The following NEB variants were observed in gnomAD, a reference collection of about 807,000 sequenced individuals.
NEB encodes the protein nebulin.
NEB carries 512 observed loss-of-function variants against 952.2 expected under a neutral mutation model. That is an observed-to-expected ratio of 0.54 (90% CI 0.50 to 0.58). The LOEUF is 0.58. Ranked by LOEUF, NEB falls within the 20% of genes least tolerant of loss-of-function variation. The probability of loss-of-function intolerance (pLI) is 0.00; values close to 1 mark genes in which losing one functional copy is unlikely to be tolerated. For missense variants in NEB, 8,428 were observed against 9,231.1 expected (o/e 0.91, Z 3.56); for synonymous variants, 2,900 against 3,149.8 (o/e 0.92, Z 2.66).
chr2:151,493,665 T>G, intron 175 of NEB, 110 bp downstream of exon 175: 1 of 942,908 alleles, frequency 1.1e-6, no homozygotes. Context: ...AAGGAAGAAT[T>G]TTTAAAGATA....
At chr2:151,633,504 C>A in intron 65 of NEB, 150 bp downstream of exon 65, 1 of 1,220,076 alleles carries the variant, frequency 8.2e-7, no homozygotes, top group Non-Finnish European at 1.1e-6. Flanking sequence ...TTAGTGTATT[C>A]ATAATAAAGC....
intron 170 of NEB, 127 bp from the exon 171 acceptor site, chr2:151,497,845 C>A (rs996542404): frequency 1.8e-5 from 27 of 1,518,426 alleles, no homozygotes; most frequent in Non-Finnish European, 2.3e-5. Context: ...AAAATGCCAC[C>A]GACTACTTTA....
chr2:151,518,842 G>T, intron 155 of NEB, 123 bp downstream of exon 155: 1 of 656,274 alleles, frequency 1.5e-6, no homozygotes, highest in Non-Finnish European at 2.7e-6. Flanking sequence ...ACACTCAAAT[G>T]AGAACAGTTT....
At chr2:151,639,209 T>C in intron 63 of NEB, 71 bp downstream of exon 63, 7 of 1,174,506 alleles carry the variant, frequency 6.0e-6, no homozygotes, top group Non-Finnish European at 7.3e-6. Flanking sequence ...TGTCATTTGG[T>C]ATCATGTCAT....
chr2:151,507,933 G>C, intron 162 of NEB, 72 bp downstream of exon 162: 6 of 1,072,500 alleles, frequency 5.6e-6, no homozygotes, highest in Non-Finnish European at 8.4e-6. Flanking sequence ...GCAAGCCTGG[G>C]ATATCCAGAG....
intron 54 of NEB, among the ~76,000 whole-genome samples, chr2:151,649,113 T>G (rs1437855463): frequency 9.2e-5 from 14 of 152,216 alleles, no homozygotes; most frequent in Admixed American, 9.2e-4. Context: ...GAAACTTGGA[T>G]TCCAACAAGG....
chr2:151,531,758 G>A (rs191901936), intron 144 of NEB, 34 bp downstream of exon 144: 1 of 1,502,598 alleles, frequency 6.7e-7, no homozygotes, highest in East Asian at 2.3e-5. Context: ...TGCCCCCTGA[G>A]TTTGAGAAGG....
At position 151,710,436 on chromosome 2, in the gene NEB, T is replaced by C. The variant is rs531840938; in HGVS notation, c.925A>G (p.Thr309Ala). 6.2e-7 allele frequency: 1 copy of C among 1,607,986 alleles called. No individual in the cohort carries two copies. Among genetic ancestry groups the C allele is most frequent in the South Asian group, 1.1e-5 (1 of 90,798 alleles). The change falls in exon 11 of 182, where the codon ACA (threonine) becomes GCA (alanine). Residue 309 changes from threonine (T) to alanine (A), a missense_variant and splice_region_variant. Thr to Ala is a moderately conservative substitution (Grantham distance 58). Around this residue, in one of 11 missense-constraint regions of NEB, gnomAD observed 2,851 missense variants for 2,791.5 expected, o/e 1.02. Coordinates refer to ENST00000397345, the MANE Select transcript of NEB (RefSeq NM_001164508.2). ...NARMNADNISTRKYQEDFENM... is the reference protein window; with the variant it reads ...NARMNADNISARKYQEDFENM... ...CCAGCCATCCCTTCCCACTTAACTG[T>C]GCTAATGTTATCAGCATTCATTCTG... is the stretch of plus-strand genomic sequence containing the variant.
Position 151,665,602 on chromosome 2 carries a change from G to A in NEB, c.5032-63C>T, listed in dbSNP as rs143272241. The A allele has an allele frequency of 2.7e-4, 367 of 1,357,576 alleles. 4 individuals are homozygous for A. In the African/African-American group the frequency reaches 4.9e-3, roughly 18 times the overall value. 84.1% of individuals were successfully genotyped at this position (1,357,576 alleles called of 1,614,324 possible). A position where few individuals can be genotyped will look rare whatever the true frequency, so the allele number is the denominator to read the frequency against. On this transcript the variant is annotated intron_variant, in intron 41 of 181. Coordinates refer to ENST00000397345, the MANE Select transcript of NEB (RefSeq NM_001164508.2). ...TCAGGGCTTGTGTTTCTTTGGCTAT[G>A]TGATTTACTTACAATCAAAAAGAAA...
intron 64 of NEB, among the ~76,000 whole-genome samples, chr2:151,634,977 T>C (rs1206271572): frequency 1.3e-5 from 2 of 152,188 alleles, no homozygotes; most frequent in Non-Finnish European, 2.9e-5. Flanking sequence ...CAAAGACAAC[T>C]GACCGAGAAA....
At chr2:151,670,937 C>T in intron 38 of NEB, 86 bp downstream of exon 38, 1 of 1,377,258 alleles carries the variant, frequency 7.3e-7, no homozygotes, top group Admixed American at 1.8e-5. Flanking sequence ...GATGCATCCT[C>T]ACACATTGAA....
At chr2:151,542,097 T>C (rs1014963104) in intron 135 of NEB, among the ~76,000 whole-genome samples, 13 of 152,188 alleles carry the variant, frequency 8.5e-5, no homozygotes, top group Admixed American at 7.9e-4. Context: ...AACTTCATGA[T>C]TGCCATGAAC....
At chr2:151,673,594 C>G (rs908782648) in intron 36 of NEB, among the ~76,000 whole-genome samples, 13 of 152,068 alleles carry the variant, frequency 8.5e-5, no homozygotes, top group African/African-American at 3.1e-4. Context: ...AGAGTTTTTA[C>G]ACCTCTATTT....
At chr2:151,491,415 T>A (rs1471906163) in intron 179 of NEB, 5 of 333,700 alleles carry the variant, frequency 1.5e-5, no homozygotes, top group Non-Finnish European at 2.3e-5. Flanking sequence ...TCCAATAGAA[T>A]TACTACTGTT....
intron 124 of NEB, 86 bp downstream of exon 124, chr2:151,560,506 T>C: frequency 9.3e-7 from 1 of 1,078,098 alleles, no homozygotes; most frequent in Non-Finnish European, 1.4e-6. Context: ...CTGGACAACG[T>C]ATGAATCAGC....
intron 105 of NEB, among the ~76,000 whole-genome samples, chr2:151,578,711 G>A (rs1326732723): frequency 6.7e-6 from 1 of 148,560 alleles, no homozygotes; most frequent in Admixed American, 6.8e-5. Flanking sequence ...AGGAGGGAAG[G>A]AAGGAAGGAA....
In NEB at chr2:151,679,923, T is replaced by G. The variant is rs1250221063; in HGVS notation, c.3142A>C (p.Ser1048Arg). The G allele has an allele frequency of 2.5e-6, 4 of 1,612,374 alleles. No individual in the cohort carries two copies. The highest frequency in any genetic ancestry group is 1.3e-5 in the African/African-American group (1 of 74,884). ...IQAKVNAYNI[S>R]ENMYKADLKD... Reference sequence around the variant, plus strand: ...CCGTGAGTCCACCCACGCACCTCACTGATATTGTAGGCATTAACTTTAGCC... The same window carrying G: ...CCGTGAGTCCACCCACGCACCTCACGGATATTGTAGGCATTAACTTTAGCC... Residue 1048 changes from serine to arginine, a missense_variant, in exon 31 of 182, where the codon AGT becomes CGT. Physicochemically the swap from Ser to Arg is moderately radical, Grantham distance 110 (BLOSUM62 -1). Coordinates refer to ENST00000397345, the MANE Select transcript of NEB (RefSeq NM_001164508.2).
Position 151,541,382 on chromosome 2 carries a change from G to A in NEB, c.20682+65C>T, listed in dbSNP as rs758825563. On this transcript the variant is annotated intron_variant, in intron 136 of 181. Coordinates refer to ENST00000397345, the MANE Select transcript of NEB (RefSeq NM_001164508.2). The stretch of plus-strand genomic sequence containing the variant: ...TGTGAGTCTGCCACTGGCCAGGTGA[G>A]GCCAGGCACATATAATCACCCCCTG... 3 of 1,276,458 alleles carry A rather than the reference G, an allele frequency of 2.4e-6. No homozygotes were observed. In the African/African-American group the frequency reaches 4.4e-5, roughly 19 times the overall value. 79.1% of individuals were successfully genotyped at this position (1,276,458 alleles called of 1,614,324 possible).
At chr2:151,707,515 AG>A (rs1256618303) in intron 12 of NEB, among the ~76,000 whole-genome samples, 3 of 25,678 alleles carry the variant, frequency 1.2e-4, no homozygotes, top group African/African-American at 1.5e-4. Flanking sequence ...ATTTACAAGT[AG>A]GAGGAGGAGG....
Sources: gnomAD v4.1 joint callset for allele counts (sites outside exome capture counted in the v4.1 genomes callset) on GRCh38, gnomAD v4.1.1 for gene constraint, gnomAD v4.1.1 regional missense constraint, MANE v1.5 for transcripts, NCBI Gene and HGNC (gene_info 2026-07-23, HGNC 2026-07-21) for gene names.